Variants in SPMIP11 observed in about 807,000 individuals in gnomAD.
SPMIP11 encodes sperm microtubule inner protein 11.
chr12:48,752,669 CTTTTTTTTT>C, the SPMIP11 span, among the ~76,000 whole-genome samples: 2 of 119,294 alleles, frequency 1.7e-5, no homozygotes, highest in Non-Finnish European at 3.4e-5. Flanking sequence ...CCTATTTATT[CTTTTTTTTT>C]TTTTTTTTTT....
chr12:48,730,262 A>G, the SPMIP11 span, among the ~76,000 whole-genome samples: 1 of 151,976 alleles, frequency 6.6e-6, no homozygotes, highest in East Asian at 1.9e-4. Flanking sequence ...GGGATGACGG[A>G]GAAGTATCCC....
At chr12:48,744,999 G>A in the SPMIP11 span, among the ~76,000 whole-genome samples, 2 of 152,048 alleles carry the variant, frequency 1.3e-5, no homozygotes, top group Middle Eastern at 3.2e-3. Flanking sequence ...GGCCGGGCGT[G>A]GTGGCTCACG....
chr12:48,770,559 G>A, the SPMIP11 span, among the ~76,000 whole-genome samples: 2 of 152,182 alleles, frequency 1.3e-5, no homozygotes, highest in African/African-American at 2.4e-5. Context: ...GGCGATAATA[G>A]TATCAGGATT....
At chr12:48,741,918 C>T in the SPMIP11 span, among the ~76,000 whole-genome samples, 1 of 152,130 alleles carries the variant, frequency 6.6e-6, no homozygotes, top group Admixed American at 6.6e-5. Context: ...GCATTACAGG[C>T]GTGAGCCATT....
At chr12:48,745,865 C>T in the SPMIP11 span, among the ~76,000 whole-genome samples, 1 of 152,086 alleles carries the variant, frequency 6.6e-6, no homozygotes, top group Non-Finnish European at 1.5e-5. Flanking sequence ...TATCTACATG[C>T]ACATATACTC....
At chr12:48,736,605 G>A in the SPMIP11 span, among the ~76,000 whole-genome samples, 1 of 151,786 alleles carries the variant, frequency 6.6e-6, no homozygotes. Flanking sequence ...CTGTAGTCTA[G>A]ACTGTTCATT....
chr12:48,739,981 G>C, the SPMIP11 span, among the ~76,000 whole-genome samples: 11 of 152,074 alleles, frequency 7.2e-5, 1 homozygote, highest in Admixed American at 7.2e-4. Context: ...CCACCCTTCT[G>C]TCCACTTTGC....
At chr12:48,764,449 A>C in the SPMIP11 span, among the ~76,000 whole-genome samples, 1 of 152,246 alleles carries the variant, frequency 6.6e-6, no homozygotes, top group Non-Finnish European at 1.5e-5. Flanking sequence ...AATTACTTGG[A>C]GTGAGCAAAG....
At chr12:48,768,402 T>C in the SPMIP11 span, 232 of 755,966 alleles carry the variant, frequency 3.1e-4, 1 homozygote, top group African/African-American at 3.6e-3. Flanking sequence ...ATCCTCTCGG[T>C]AGGTAGCCCC....
chr12:48,759,698 T>C, the SPMIP11 span, among the ~76,000 whole-genome samples: 1 of 143,200 alleles, frequency 7.0e-6, no homozygotes, highest in Non-Finnish European at 1.5e-5. Flanking sequence ...GGCTGGGATG[T>C]GGTTGGGTAT....
the SPMIP11 span, among the ~76,000 whole-genome samples, chr12:48,750,898 T>A: frequency 6.6e-6 from 1 of 152,220 alleles, no homozygotes; most frequent in African/African-American, 2.4e-5. Flanking sequence ...TTTCTGTCCA[T>A]CTGGTTTTAG....
At chr12:48,744,988 AGGCCG>A in the SPMIP11 span, among the ~76,000 whole-genome samples, 3 of 152,158 alleles carry the variant, frequency 2.0e-5, no homozygotes, top group South Asian at 6.2e-4. Context: ...TATATTAAAG[AGGCCG>A]GGCGTGGTGG....
chr12:48,728,081 C>A, the SPMIP11 span, among the ~76,000 whole-genome samples: 2 of 151,886 alleles, frequency 1.3e-5, no homozygotes, highest in Non-Finnish European at 2.9e-5. Context: ...TTTGTTCAAC[C>A]AAATAAGTGT....
At chr12:48,769,173 C>T in the SPMIP11 span, 3 of 1,185,770 alleles carry the variant, frequency 2.5e-6, no homozygotes, top group African/African-American at 3.1e-5. Flanking sequence ...GGAAAAAGGA[C>T]AAGTCTCCTG....
chr12:48,755,005 A>T, the SPMIP11 span, among the ~76,000 whole-genome samples: 6 of 152,228 alleles, frequency 3.9e-5, no homozygotes, highest in African/African-American at 1.4e-4. Flanking sequence ...ACAAAGGTAG[A>T]CTCTTTCTAA....
the SPMIP11 span, chr12:48,770,765 C>T: frequency 3.1e-6 from 5 of 1,613,688 alleles, no homozygotes; most frequent in African/African-American, 1.3e-5. Context: ...AGCCCTCTTA[C>T]CAATCTTCAT....
At chr12:48,732,362 G>C in the SPMIP11 span, among the ~76,000 whole-genome samples, 34 of 152,194 alleles carry the variant, frequency 2.2e-4, no homozygotes, top group East Asian at 6.2e-3. Context: ...TTTGTTGCTG[G>C]GGTCTGGCTC....
the SPMIP11 span, chr12:48,765,719 GT>G: frequency 4.3e-6 from 3 of 701,108 alleles, no homozygotes; most frequent in Non-Finnish European, 7.8e-6. Flanking sequence ...AAAGAAGGAG[GT>G]TTCCCAGTTC....
the SPMIP11 span, among the ~76,000 whole-genome samples, chr12:48,755,112 C>T: frequency 3.3e-5 from 5 of 152,168 alleles, no homozygotes; most frequent in Non-Finnish European, 5.9e-5. Context: ...TGTGTGACCA[C>T]CCCCGAGTCA....
Sources: gnomAD v4.1 joint callset for allele counts (sites outside exome capture counted in the v4.1 genomes callset) on GRCh38, gnomAD v4.1.1 for gene constraint, MANE v1.5 for transcripts, NCBI Gene and HGNC (gene_info 2026-07-23, HGNC 2026-07-21) for gene names.